The following MRPS28 variants were observed in gnomAD, a reference collection of about 807,000 sequenced individuals.
MRPS28 encodes mitochondrial ribosomal protein S28.
Under a neutral mutation model 10.8 loss-of-function variants are expected in MRPS28, and 7 were observed. That is an observed-to-expected ratio of 0.65 (90% CI 0.37 to 1.22). The LOEUF is 1.22. Among genes scored for constraint, MRPS28 ranks in the 50% most tolerant of loss-of-function variants. The pLI is 0.02. For synonymous variants in MRPS28, 121 were observed against 93.3 expected (o/e 1.30, Z -1.71); for missense variants, 265 against 232.9 (o/e 1.14, Z -0.90).
At chr8:80,020,791 G>T (rs537339073) in intron 1 of MRPS28, among the ~76,000 whole-genome samples, 1 of 152,068 alleles carries the variant, frequency 6.6e-6, no homozygotes, top group Non-Finnish European at 1.5e-5. Context: ...TGTGGCCAAC[G>T]AACACACATT....
chr8:80,004,445 C>G (rs373584676), intron 1 of MRPS28, among the ~76,000 whole-genome samples: 4 of 152,298 alleles, frequency 2.6e-5, no homozygotes, highest in East Asian at 1.9e-4. Context: ...AGAAAGAAAA[C>G]TAACAAACAG....
chr8:79,926,357 A>C (rs755886501), intron 2 of MRPS28, among the ~76,000 whole-genome samples: 1 of 152,216 alleles, frequency 6.6e-6, no homozygotes, highest in Non-Finnish European at 1.5e-5. Flanking sequence ...TTTGACTGTG[A>C]CCAAGTACAA....
chr8:79,929,522 C>T (rs1299778919), intron 2 of MRPS28, among the ~76,000 whole-genome samples: 1 of 152,034 alleles, frequency 6.6e-6, no homozygotes, highest in African/African-American at 2.4e-5. Context: ...AAAAAAACAG[C>T]AAGAGGACCC....
chr8:79,925,810 A>C (rs1055864509), intron 2 of MRPS28, among the ~76,000 whole-genome samples: 1 of 152,020 alleles, frequency 6.6e-6, no homozygotes, highest in African/African-American at 2.4e-5. Flanking sequence ...AACATGGCAA[A>C]ATCCCATCTC....
intron 2 of MRPS28, among the ~76,000 whole-genome samples, chr8:79,970,075 C>G (rs1448792276): frequency 1.3e-5 from 2 of 152,188 alleles, no homozygotes; most frequent in African/African-American, 4.8e-5. Context: ...CATCGATATT[C>G]CAACAAGTTC....
At chr8:79,994,407 A>T (rs540655778) in intron 2 of MRPS28, among the ~76,000 whole-genome samples, 2 of 152,256 alleles carry the variant, frequency 1.3e-5, no homozygotes, top group African/African-American at 4.8e-5. Flanking sequence ...GCAGGCAATA[A>T]TATCAATAAC....
intron 2 of MRPS28, among the ~76,000 whole-genome samples, chr8:79,975,331 A>G (rs1239419426): frequency 2.6e-5 from 4 of 152,114 alleles, no homozygotes; most frequent in African/African-American, 2.4e-5. Context: ...ACTGAAATAT[A>G]CAACTATAAA....
chr8:80,029,664 C>T (rs1206203582), intron 1 of MRPS28: 9 of 1,210,994 alleles, frequency 7.4e-6, no homozygotes, highest in Non-Finnish European at 9.9e-6. Context: ...CAGAACAAGA[C>T]CCAGCAGAGC....
At chr8:80,016,698 C>G (rs1318283153) in intron 1 of MRPS28, among the ~76,000 whole-genome samples, 4 of 152,082 alleles carry the variant, frequency 2.6e-5, no homozygotes, top group African/African-American at 9.7e-5. Context: ...TAACAATTAA[C>G]AGTTTGTTCA....
intron 2 of MRPS28, among the ~76,000 whole-genome samples, chr8:80,001,522 A>G (rs1278722732): frequency 6.6e-6 from 1 of 152,244 alleles, no homozygotes; most frequent in Non-Finnish European, 1.5e-5. Context: ...TGTTTACCAT[A>G]TGCCAATCAC....
In MRPS28 at chr8:80,014,077, C is replaced by T. The variant is rs2114206; in HGVS notation, c.214-10897G>A. 8.6e-3 allele frequency among the ~76,000 whole-genome samples: 1,305 copies of T among 151,928 alleles called. 25 individuals carry two copies. The highest frequency in any genetic ancestry group is 0.03 in the African/African-American group (1,244 of 41,362). ...ATAATTAATGAAGCAGAGTGAAATTCAAGAAGAAGAAGCTGTGAAAAAAAG... is the reference window on the plus strand; with the variant it reads ...ATAATTAATGAAGCAGAGTGAAATTTAAGAAGAAGAAGCTGTGAAAAAAAG... On this transcript the variant is annotated intron_variant, in intron 1 of 2. Coordinates refer to ENST00000276585, the MANE Select transcript of MRPS28 (RefSeq NM_014018.3).
At chr8:79,977,653 CA>C (rs1807839334) in intron 2 of MRPS28, among the ~76,000 whole-genome samples, 2 of 152,008 alleles carry the variant, frequency 1.3e-5, no homozygotes, top group South Asian at 4.1e-4. Flanking sequence ...CCCATCTCTA[CA>C]AAAAATACAA....
intron 2 of MRPS28, among the ~76,000 whole-genome samples, chr8:79,947,629 G>GTTTTTTTTTTTTTTTTT (rs767221360): frequency 9.2e-6 from 1 of 109,222 alleles, no homozygotes; most frequent in African/African-American, 3.9e-5. Context: ...AATATATTAA[G>GTTTTTTTTTTTTTTTTT]TTTTTTTTTT....
chr8:80,029,863 C>T, intron 1 of MRPS28, 173 bp downstream of exon 1: 1 of 1,535,662 alleles, frequency 6.5e-7, no homozygotes, highest in Non-Finnish European at 8.7e-7. Context: ...AGAAAAACAC[C>T]AAGCACAGAT....
At chr8:79,929,604 G>C (rs1806404630) in intron 2 of MRPS28, among the ~76,000 whole-genome samples, 1 of 152,036 alleles carries the variant, frequency 6.6e-6, no homozygotes, top group African/African-American at 2.4e-5. Context: ...ACTATATATT[G>C]TATGCCCCCA....
chr8:79,930,302 T>C (rs1401145560), intron 2 of MRPS28, among the ~76,000 whole-genome samples: 1 of 152,202 alleles, frequency 6.6e-6, no homozygotes, highest in Non-Finnish European at 1.5e-5. Context: ...TTTTCTCCTA[T>C]ATGAGGACAC....
chr8:79,953,626 A>G (rs915438221), intron 2 of MRPS28, among the ~76,000 whole-genome samples: 13 of 152,216 alleles, frequency 8.5e-5, no homozygotes, highest in African/African-American at 3.1e-4. Flanking sequence ...AATATATATT[A>G]AGACCATATT....
chr8:79,940,691 GC>G (rs1806743129), intron 2 of MRPS28, among the ~76,000 whole-genome samples: 2 of 152,132 alleles, frequency 1.3e-5, no homozygotes, highest in Admixed American at 1.3e-4. Flanking sequence ...TTTTTTCAAA[GC>G]CAACTTTTCC....
At chr8:79,968,410 T>C (rs1264860657) in intron 2 of MRPS28, among the ~76,000 whole-genome samples, 1 of 152,148 alleles carries the variant, frequency 6.6e-6, no homozygotes, top group African/African-American at 2.4e-5. Context: ...GAATGGGGCT[T>C]AGAAATTTGT....
Sources: allele counts gnomAD v4.1 joint callset (sites outside exome capture counted in the v4.1 genomes callset), GRCh38; gene constraint gnomAD v4.1.1; transcripts MANE v1.5; gene names NCBI Gene and HGNC (gene_info 2026-07-23, HGNC 2026-07-21).